The following BMPR1B variants were observed in gnomAD, a reference collection of about 807,000 sequenced individuals.
The protein encoded by BMPR1B is bone morphogenetic protein receptor type-1B.
Under a neutral mutation model 59.1 loss-of-function variants are expected in BMPR1B, and 12 were observed. The ratio of observed to expected loss-of-function variants is 0.20; its 90% CI spans 0.13 to 0.33. The LOEUF (loss-of-function observed/expected upper bound fraction) is 0.33, where lower values mean the gene tolerates loss of function less well. Ranked by LOEUF, BMPR1B falls within the 10% of genes least tolerant of loss-of-function variation. BMPR1B has a pLI of 1.00. For synonymous variants in BMPR1B, 237 were observed against 207.3 expected, an observed-to-expected ratio of 1.14 and a Z score of -1.23; for missense variants, 550 against 610.9, an observed-to-expected ratio of 0.90 and a Z score of 1.05.
chr4:94,941,167 C>T (rs149617064), intron 2 of BMPR1B, among the ~76,000 whole-genome samples: 26 of 152,198 alleles, frequency 1.7e-4, no homozygotes, highest in Admixed American at 4.6e-4. Flanking sequence ...CAGTGGCTCA[C>T]GCCTGTAATC....
chr4:95,071,630 GTT>G lies in BMPR1B; in HGVS notation c.-17-32776_-17-32775del, dbSNP rs1308596088. On this transcript the variant is annotated intron_variant, in intron 3 of 12. Coordinates refer to ENST00000515059, the MANE Select transcript of BMPR1B (RefSeq NM_001203.3). ...GCATAGATTATGAATATATATGTGT[GTT>G]TGTGTGTGTGTGTGTGTGTGTATAT... Among the ~76,000 whole-genome samples the G allele has an allele frequency of 9.7e-5, 9 of 92,814 alleles. No individual in the cohort carries two copies. The South Asian group carries it at 1.2e-3, about 13-fold the overall frequency. The allele number at this position is 92,814 out of a possible 152,430, so 60.9% of individuals were successfully genotyped here.
chr4:95,041,969 G>A (rs1414572701), intron 3 of BMPR1B, among the ~76,000 whole-genome samples: 1 of 151,868 alleles, frequency 6.6e-6, no homozygotes, highest in Non-Finnish European at 1.5e-5. Context: ...CCATTCTACT[G>A]CCTCAGCCTC....
At chr4:94,910,690 T>C (rs1032187193) in intron 2 of BMPR1B, among the ~76,000 whole-genome samples, 1 of 151,994 alleles carries the variant, frequency 6.6e-6, no homozygotes, top group African/African-American at 2.4e-5. Context: ...GGAGAATCAC[T>C]TGAGGCCAGA....
intron 2 of BMPR1B, among the ~76,000 whole-genome samples, chr4:94,937,704 A>G (rs1163936207): frequency 7.1e-6 from 1 of 140,960 alleles, no homozygotes; most frequent in Non-Finnish European, 1.6e-5. Flanking sequence ...ATGTATATGT[A>G]TAAACACACA....
chr4:94,946,032 G>A (rs1170955059), intron 2 of BMPR1B, among the ~76,000 whole-genome samples: 1 of 151,902 alleles, frequency 6.6e-6, no homozygotes, highest in Non-Finnish European at 1.5e-5. Flanking sequence ...TTCCTGAGAC[G>A]GGAAAATTTT....
intron 3 of BMPR1B, among the ~76,000 whole-genome samples, chr4:95,030,899 T>C (rs1185145147): frequency 5.9e-5 from 9 of 152,190 alleles, no homozygotes; most frequent in Non-Finnish European, 1.0e-4. Flanking sequence ...GAACATTCCA[T>C]GCTCATGGGT....
At chr4:95,136,799 T>C (rs574621053) in intron 10 of BMPR1B, among the ~76,000 whole-genome samples, 25 of 152,260 alleles carry the variant, frequency 1.6e-4, no homozygotes, top group African/African-American at 5.5e-4. Flanking sequence ...TTCTTCTCTC[T>C]TTTCTTCTTT....
chr4:94,869,806 A>G (rs1309112734), intron 1 of BMPR1B, among the ~76,000 whole-genome samples: 2 of 152,090 alleles, frequency 1.3e-5, no homozygotes, highest in Non-Finnish European at 2.9e-5. Flanking sequence ...GTTTTATGTA[A>G]GTTTGGCCCT....
chr4:95,016,647 T>C (rs1194974201), intron 3 of BMPR1B, among the ~76,000 whole-genome samples: 1 of 152,226 alleles, frequency 6.6e-6, no homozygotes, highest in Non-Finnish European at 1.5e-5. Context: ...GATGGAAGGC[T>C]TTAACAAAGT....
intron 2 of BMPR1B, among the ~76,000 whole-genome samples, chr4:94,914,428 G>C (rs1189436898): frequency 6.6e-6 from 1 of 152,154 alleles, no homozygotes; most frequent in Non-Finnish European, 1.5e-5. Flanking sequence ...GGATGAAAGA[G>C]TATTAATTGA....
intron 4 of BMPR1B, among the ~76,000 whole-genome samples, chr4:95,109,867 C>G (rs1000098515): frequency 1.6e-5 from 2 of 127,936 alleles, no homozygotes; most frequent in Admixed American, 8.2e-5. Flanking sequence ...CCCCTCCCCC[C>G]ACCCCACAAC....
intron 1 of BMPR1B, among the ~76,000 whole-genome samples, chr4:94,866,687 C>T (rs981528566): frequency 1.7e-4 from 26 of 152,086 alleles, no homozygotes; most frequent in Admixed American, 1.3e-4. Context: ...CTGGTTCAAG[C>T]GATTCTCCTG....
chr4:94,864,276 C>T (rs922298354), intron 1 of BMPR1B, among the ~76,000 whole-genome samples: 2 of 152,132 alleles, frequency 1.3e-5, no homozygotes, highest in East Asian at 1.9e-4. Flanking sequence ...TTTAACCTGT[C>T]CCGTTTCAGA....
chr4:95,062,975 T>C (rs1727511627), intron 3 of BMPR1B, among the ~76,000 whole-genome samples: 1 of 152,170 alleles, frequency 6.6e-6, no homozygotes, highest in Non-Finnish European at 1.5e-5. Context: ...CTTAAGGGCT[T>C]TTAAAAATCT....
intron 2 of BMPR1B, among the ~76,000 whole-genome samples, chr4:94,954,323 A>G (rs1004191915): frequency 3.9e-5 from 6 of 152,172 alleles, no homozygotes; most frequent in Non-Finnish European, 5.9e-5. Flanking sequence ...TTCTACTCAT[A>G]TACTTCATGG....
intron 3 of BMPR1B, among the ~76,000 whole-genome samples, chr4:95,071,497 G>T (rs1188637105): frequency 6.6e-6 from 1 of 151,714 alleles, no homozygotes; most frequent in Non-Finnish European, 1.5e-5. Context: ...CTGATACTTT[G>T]CAGTACACTA....
intron 1 of BMPR1B, among the ~76,000 whole-genome samples, chr4:94,851,160 T>C (rs1469364061): frequency 6.6e-6 from 1 of 152,114 alleles, no homozygotes; most frequent in African/African-American, 2.4e-5. Context: ...GTAAACACAG[T>C]AGAGTCTGCA....
At chr4:94,856,211 T>C (rs1306109767) in intron 1 of BMPR1B, among the ~76,000 whole-genome samples, 1 of 152,202 alleles carries the variant, frequency 6.6e-6, no homozygotes, top group Non-Finnish European at 1.5e-5. Flanking sequence ...GATCTGCTGC[T>C]TGCTCAGAGA....
At chr4:95,098,539 T>C (rs1730592605) in intron 3 of BMPR1B, among the ~76,000 whole-genome samples, 2 of 152,082 alleles carry the variant, frequency 1.3e-5, no homozygotes, top group South Asian at 4.1e-4. Context: ...TTTTTGTGGC[T>C]TTTATTTTTA....
Sources: gnomAD v4.1 joint callset for allele counts (sites outside exome capture counted in the v4.1 genomes callset) on GRCh38, gnomAD v4.1.1 for gene constraint, MANE v1.5 for transcripts, NCBI Gene and HGNC (gene_info 2026-07-23, HGNC 2026-07-21) for gene names.